The following PCDHA8 variants were observed in gnomAD, a reference collection of about 807,000 sequenced individuals.
PCDHA8 encodes protocadherin alpha 8.
A neutral mutation model predicts 61.8 loss-of-function variants in PCDHA8; 53 were observed. The ratio of observed to expected loss-of-function variants is 0.86; its 90% CI spans 0.69 to 1.08. PCDHA8 has a LOEUF of 1.08. Ranked by LOEUF, PCDHA8 falls within the 50% of genes least tolerant of loss-of-function variation. The probability of loss-of-function intolerance (pLI) is 0.00; values close to 1 mark genes in which losing one functional copy is unlikely to be tolerated. For synonymous variants in PCDHA8, 618 were observed against 556.6 expected (o/e 1.11, Z -1.55); for missense variants, 1,293 against 1,245.0 (o/e 1.04, Z -0.58).
rs547873702 is a variant in PCDHA8 at position 140,879,516 on chromosome 5, T to C, written c.2394+35801T>C. 3.3e-5 allele frequency among the ~76,000 whole-genome samples: 5 copies of C among 152,322 alleles called. No homozygotes were observed. The East Asian group carries it at 7.7e-4, about 23-fold the overall frequency. On this transcript the variant is annotated intron_variant, in intron 1 of 3. Transcript: ENST00000531613. The stretch of plus-strand genomic sequence containing the variant: ...TGGATCTCAGAAGAGATTATTGATA[T>C]AGATTTTGGGAACAACTCCTTTAGA...
chr5:140,999,304 C>G (rs1587831145), intron 3 of PCDHA8, among the ~76,000 whole-genome samples: 2 of 152,190 alleles, frequency 1.3e-5, no homozygotes, highest in East Asian at 3.8e-4. Flanking sequence ...TTCAGAATTT[C>G]TTCATGACAG....
At chr5:140,884,221 G>A in intron 1 of PCDHA8, 1 of 1,613,488 alleles carries the variant, frequency 6.2e-7, no homozygotes, top group East Asian at 2.2e-5. Context: ...TGGTGCTGGT[G>A]AAGGACCACG....
chr5:140,923,573 A>C (rs1180737452), intron 1 of PCDHA8, among the ~76,000 whole-genome samples: 2 of 152,214 alleles, frequency 1.3e-5, no homozygotes, highest in African/African-American at 4.8e-5. Flanking sequence ...GGTCCTGCTA[A>C]AGAGAAGGTT....
intron 1 of PCDHA8, among the ~76,000 whole-genome samples, chr5:140,908,920 C>A (rs782461394): frequency 6.6e-5 from 10 of 152,180 alleles, no homozygotes; most frequent in Admixed American, 1.3e-4. Flanking sequence ...GTAGGAGGGG[C>A]CAAATGCAGC....
chr5:140,905,722 T>A (rs1326323051), intron 1 of PCDHA8, among the ~76,000 whole-genome samples: 1 of 152,206 alleles, frequency 6.6e-6, no homozygotes, highest in Non-Finnish European at 1.5e-5. Context: ...AGCAGTGTTT[T>A]GTAGTTTTCC....
intron 1 of PCDHA8, chr5:140,967,369 G>A (rs147557274): frequency 2.4e-5 from 38 of 1,607,564 alleles, no homozygotes; most frequent in Non-Finnish European, 2.9e-5. Context: ...AGCCCCTGCA[G>A]GAGAACAGTA....
At chr5:140,852,752 C>A in intron 1 of PCDHA8, 1 of 983,714 alleles carries the variant, frequency 1.0e-6, no homozygotes, top group Non-Finnish European at 1.2e-6. Context: ...TAAACTTGGA[C>A]CCAGGTATCT....
At chr5:140,871,277 C>T (rs1187011496) in intron 1 of PCDHA8, 15 of 1,613,782 alleles carry the variant, frequency 9.3e-6, no homozygotes, top group Admixed American at 6.7e-5. Flanking sequence ...TGGTCGGCAA[C>T]GCCCACTGAG....
In PCDHA8 at chr5:140,842,746, C is replaced by G. The variant is rs2150343486; in HGVS notation, c.1425C>G (p.Phe475Leu). The G allele has an allele frequency of 1.3e-6, 2 of 1,595,086 alleles. No individual in the cohort carries two copies. The highest frequency in any genetic ancestry group is 1.7e-6 in the Non-Finnish European group (2 of 1,165,468). ...ACAACCCGCCGGGCTGCCACATCTT[C>G]ACGGTGTCTGCGCGAGACGCGGACG... ...KENNPPGCHI[F>L]TVSARDADAQ... is the part of the protein sequence containing the mutation. The change falls in exon 1 of 4, where the codon TTC becomes TTG. Residue 475 changes from phenylalanine (F) to leucine (L), a missense_variant. By Grantham distance (22) the Phe-to-Leu change is conservative. Transcript: ENST00000531613.
intron 1 of PCDHA8, among the ~76,000 whole-genome samples, chr5:140,974,566 C>T (rs2096631979): frequency 6.6e-6 from 1 of 152,138 alleles, no homozygotes; most frequent in African/African-American, 2.4e-5. Context: ...GGCTGGAGTG[C>T]AATGGCATGA....
At chr5:140,967,059 C>T in intron 1 of PCDHA8, 1 of 1,612,750 alleles carries the variant, frequency 6.2e-7, no homozygotes, top group Non-Finnish European at 8.5e-7. Flanking sequence ...ACGAGTGGAG[C>T]GCTCTTCGTC....
At chr5:140,965,521 G>T (rs1554227745) in intron 1 of PCDHA8, among the ~76,000 whole-genome samples, 1 of 150,834 alleles carries the variant, frequency 6.6e-6, no homozygotes, top group African/African-American at 2.4e-5. Flanking sequence ...TAACTGCAAA[G>T]CATTAATGGA....
At chr5:140,887,544 CATGG>C (rs2061491541) in intron 1 of PCDHA8, among the ~76,000 whole-genome samples, 2 of 152,098 alleles carry the variant, frequency 1.3e-5, no homozygotes, top group Non-Finnish European at 2.9e-5. Context: ...CCCCACCCCT[CATGG>C]TTACTGTTAA....
chr5:140,857,468 T>C lies in PCDHA8; in HGVS notation c.2394+13753T>C. The C allele has an allele frequency of 1.3e-6, 2 of 1,598,520 alleles. 1 individual carries two copies. Among genetic ancestry groups the C allele is most frequent in the Non-Finnish European group, 1.7e-6 (2 of 1,167,858 alleles). The stretch of plus-strand genomic sequence containing the variant: ...GAACAACCCGCCAGGCTGCCACATC[T>C]TCACGGTGTCTGCGTGGGACGCGGA... On this transcript the variant is annotated intron_variant, in intron 1 of 3. Transcript: ENST00000531613.
At position 140,967,010 on chromosome 5, in the gene PCDHA8, C is replaced by T. The variant is rs781936791; in HGVS notation, c.2395-11939C>T. 7 of 1,606,340 alleles carry T rather than the reference C, an allele frequency of 4.4e-6. No individual in the cohort carries two copies. In the South Asian group the frequency reaches 6.6e-5, roughly 15 times the overall value. On this transcript the variant is annotated intron_variant, in intron 1 of 3. Coordinates refer to ENST00000531613, the MANE Select transcript of PCDHA8 (RefSeq NM_018911.3). ...GCCGGGTTGCTTGCGCATCAACCAT[C>T]TGGGTGCGCCCAGTCCGCGCTACCT...
chr5:140,938,463 T>C (rs1399110046), intron 1 of PCDHA8, among the ~76,000 whole-genome samples: 1 of 152,216 alleles, frequency 6.6e-6, no homozygotes, highest in Non-Finnish European at 1.5e-5. Flanking sequence ...GTTTTTTAAT[T>C]TATTATGTTT....
At chr5:140,895,481 A>G (rs1344099308) in intron 1 of PCDHA8, among the ~76,000 whole-genome samples, 1 of 152,168 alleles carries the variant, frequency 6.6e-6, no homozygotes, top group African/African-American at 2.4e-5. Flanking sequence ...CTTCGGAGAA[A>G]TACCTATTCA....
At chr5:140,909,866 A>G (rs1203006388) in intron 1 of PCDHA8, among the ~76,000 whole-genome samples, 2 of 152,212 alleles carry the variant, frequency 1.3e-5, no homozygotes, top group African/African-American at 2.4e-5. Context: ...CCTGGAGTCA[A>G]CGTCAGCTTA....
intron 3 of PCDHA8, among the ~76,000 whole-genome samples, chr5:141,002,755 T>C (rs894161079): frequency 3.3e-5 from 5 of 152,174 alleles, no homozygotes; most frequent in Non-Finnish European, 7.3e-5. Flanking sequence ...GACAACCCTG[T>C]GATGTAGACA....
Sources: allele counts gnomAD v4.1 joint callset (sites outside exome capture counted in the v4.1 genomes callset), GRCh38; gene constraint gnomAD v4.1.1; transcripts MANE v1.5; gene names NCBI Gene and HGNC (gene_info 2026-07-23, HGNC 2026-07-21).